The following LRRFIP1 variants were observed in gnomAD, a reference collection of about 807,000 sequenced individuals.
The protein encoded by LRRFIP1 is LRR binding FLII interacting protein 1.
Under a neutral mutation model 104.4 loss-of-function variants are expected in LRRFIP1, and 62 were observed. The ratio of observed to expected loss-of-function variants is 0.59; its 90% CI spans 0.48 to 0.73. The LOEUF (loss-of-function observed/expected upper bound fraction) is 0.73, where lower values mean the gene tolerates loss of function less well. Ranked by LOEUF, LRRFIP1 falls within the 30% of genes least tolerant of loss-of-function variation. LRRFIP1 has a pLI of 0.00. For missense variants in LRRFIP1, 796 were observed against 824.5 expected, an observed-to-expected ratio of 0.97 and a Z score of 0.42; for synonymous variants, 300 against 299.0, an observed-to-expected ratio of 1.00 and a Z score of -0.03.
rs373619014 is a variant in LRRFIP1, at chr2:237,708,569, G to A, written c.122G>A (p.Arg41Gln). 3.0e-5 allele frequency: 47 copies of A among 1,591,056 alleles called. No individual in the cohort carries two copies. The African/African-American group carries it at 3.1e-4, about 10-fold the overall frequency. Residue 41 changes from arginine (R) to glutamine (Q), a missense_variant, in exon 2 of 24, where the codon CGG becomes CAG. Arg to Gln is a conservative substitution (Grantham distance 43, BLOSUM62 1). Coordinates refer to ENST00000308482, the MANE Select transcript of LRRFIP1 (RefSeq NM_001137550.2). Reference sequence around the variant, plus strand: ...GCGGAAGCCCGGCTCGCTGCAAAACGGGCGGCCCGCGCGGAGGCTCGCGAG... The same window carrying A: ...GCGGAAGCCCGGCTCGCTGCAAAACAGGCGGCCCGCGCGGAGGCTCGCGAG... ...REAEARLAAK[R>Q]AARAEAREIR...
intron 23 of LRRFIP1, among the ~76,000 whole-genome samples, chr2:237,775,104 T>C (rs1244730062): frequency 1.3e-5 from 2 of 152,232 alleles, no homozygotes; most frequent in Non-Finnish European, 2.9e-5. Flanking sequence ...TCCGCCTCCA[T>C]AGAGCCTGTG....
At chr2:237,731,167 A>G (rs767925469) in intron 8 of LRRFIP1, among the ~76,000 whole-genome samples, 3 of 152,160 alleles carry the variant, frequency 2.0e-5, no homozygotes, top group African/African-American at 7.2e-5. Flanking sequence ...AATCTATGCA[A>G]TTCCTCTGCG....
At chr2:237,692,962 C>G (rs1326059822) in intron 1 of LRRFIP1, among the ~76,000 whole-genome samples, 1 of 152,218 alleles carries the variant, frequency 6.6e-6, no homozygotes, top group Non-Finnish European at 1.5e-5. Context: ...GAGCACTCAA[C>G]CCGCTCAGCA....
At chr2:237,751,334 A>T (rs908587115) in intron 14 of LRRFIP1, 63 bp downstream of exon 14, 17 of 1,301,286 alleles carry the variant, frequency 1.3e-5, no homozygotes, top group Non-Finnish European at 1.7e-5. Flanking sequence ...AAAAAAAACA[A>T]CATCCTAAAG....
intron 6 of LRRFIP1, among the ~76,000 whole-genome samples, chr2:237,723,280 A>T (rs528705920): frequency 3.9e-5 from 6 of 152,334 alleles, no homozygotes; most frequent in African/African-American, 1.4e-4. Context: ...TAGAAGAGGA[A>T]ATAAGATTTA....
chr2:237,748,546 C>G, intron 12 of LRRFIP1, 147 bp downstream of exon 12: 1 of 707,824 alleles, frequency 1.4e-6, no homozygotes, highest in Non-Finnish European at 2.4e-6. Context: ...GTATCACCTT[C>G]CCGGAGGTAG....
chr2:237,758,223 AGT>A (rs138141222), intron 17 of LRRFIP1, among the ~76,000 whole-genome samples: 273 of 149,364 alleles, frequency 1.8e-3, no homozygotes, highest in Middle Eastern at 3.4e-3. Context: ...AGCACTTAGG[AGT>A]GTGTGTGTGT....
chr2:237,694,834 T>C (rs758893900), intron 1 of LRRFIP1, among the ~76,000 whole-genome samples: 1 of 152,222 alleles, frequency 6.6e-6, no homozygotes. Context: ...GTAACTTCCC[T>C]GTGTTTGCGA....
At position 237,772,066 on chromosome 2, in the gene LRRFIP1, G is replaced by T. The variant is rs1452825086; in HGVS notation, c.1510-15G>T. ...AGTAGAGAAATTAACAGATTTTACT[G>T]GCGGGTGTTTTCAGATTAAGAAACT... On this transcript the variant is annotated splice_polypyrimidine_tract_variant and intron_variant, in intron 20 of 23. Transcript: ENST00000308482. 6.5e-7 allele frequency: 1 copy of T among 1,548,284 alleles called. No homozygotes were observed. The highest frequency in any genetic ancestry group is 1.1e-5 in the South Asian group (1 of 88,602).
chr2:237,775,054 A>G (rs2060963431), intron 23 of LRRFIP1, among the ~76,000 whole-genome samples: 1 of 152,264 alleles, frequency 6.6e-6, no homozygotes, highest in Non-Finnish European at 1.5e-5. Context: ...GCACGGGTTC[A>G]GGTGCTGGAG....
chr2:237,720,878 A>G, intron 6 of LRRFIP1, 56 bp downstream of exon 6: 2 of 1,480,960 alleles, frequency 1.4e-6, no homozygotes, highest in Non-Finnish European at 1.9e-6. Context: ...CAAGCCCTTT[A>G]CTTTCTCATC....
chr2:237,627,775 G>T, intron 1 of LRRFIP1, 35 bp downstream of exon 1: 1 of 1,185,716 alleles, frequency 8.4e-7, no homozygotes, highest in South Asian at 2.9e-5. Context: ...GGGGGCGCCG[G>T]GCGGGCGCGG....
intron 11 of LRRFIP1, among the ~76,000 whole-genome samples, chr2:237,739,882 A>T (rs1676767272): frequency 6.6e-6 from 1 of 152,038 alleles, no homozygotes. Context: ...GTTTTACCTG[A>T]TGTGATGCTT....
chr2:237,737,368 A>G (rs1483247653), intron 10 of LRRFIP1, among the ~76,000 whole-genome samples: 1 of 152,144 alleles, frequency 6.6e-6, no homozygotes, highest in Non-Finnish European at 1.5e-5. Flanking sequence ...GTGGCCAACA[A>G]GAGATGGAGC....
chr2:237,739,776 G>C (rs1421211321), intron 11 of LRRFIP1, among the ~76,000 whole-genome samples: 1 of 152,130 alleles, frequency 6.6e-6, no homozygotes, highest in Admixed American at 6.5e-5. Context: ...CGTGGCCCAA[G>C]TTTTGTTTCA....
At position 237,780,227 on chromosome 2, in the gene LRRFIP1, T is replaced by A. The variant is rs2150955257; in HGVS notation, c.*695T>A. ...AAATGACAGCTTTTCATTGCATTAT[T>A]TAATCCTTATATTTGGAATTGAAGT... On this transcript the variant is annotated 3_prime_UTR_variant, in exon 24 of 24. Transcript: ENST00000308482. 1 of 152,338 alleles carries A rather than the reference T, an allele frequency of 6.6e-6. No individual in the cohort carries two copies. Among genetic ancestry groups the A allele is most frequent in the South Asian group, 2.1e-4 (1 of 4,834 alleles). 9.4% of individuals were successfully genotyped at this position (152,338 alleles called of 1,614,324 possible).
At chr2:237,734,547 T>C (rs1238377230) in intron 9 of LRRFIP1, among the ~76,000 whole-genome samples, 2 of 152,220 alleles carry the variant, frequency 1.3e-5, no homozygotes, top group Admixed American at 6.5e-5. Context: ...CCCAGAGTGC[T>C]AGGATTACAG....
At chr2:237,749,804 A>G (rs1000030698) in intron 13 of LRRFIP1, among the ~76,000 whole-genome samples, 1 of 151,972 alleles carries the variant, frequency 6.6e-6, no homozygotes, top group South Asian at 2.1e-4. Context: ...TTGTATTTTA[A>G]TGATTTTTTT....
chr2:237,749,941 G>C (rs951196294), intron 13 of LRRFIP1, among the ~76,000 whole-genome samples: 6 of 152,216 alleles, frequency 3.9e-5, no homozygotes, highest in African/African-American at 1.4e-4. Flanking sequence ...ACTAGGGACA[G>C]TGCATCTGAA....
Sources: gnomAD v4.1 joint callset for allele counts (sites outside exome capture counted in the v4.1 genomes callset) on GRCh38, gnomAD v4.1.1 for gene constraint, MANE v1.5 for transcripts, NCBI Gene and HGNC (gene_info 2026-07-23, HGNC 2026-07-21) for gene names.